AKAP19: variants seen among roughly 807,000 people sequenced by gnomAD.
The protein encoded by AKAP19 is small A-kinase anchoring protein.
At chr2:189,918,352 A>C in the AKAP19 span, among the ~76,000 whole-genome samples, 7 of 152,230 alleles carry the variant, frequency 4.6e-5, no homozygotes, top group African/African-American at 1.7e-4. Flanking sequence ...TGGGCCTCCT[A>C]GTACCACACT....
chr2:190,135,768 T>C, the AKAP19 span, among the ~76,000 whole-genome samples: 1 of 152,224 alleles, frequency 6.6e-6, no homozygotes, highest in Non-Finnish European at 1.5e-5. Flanking sequence ...TGTAGATTAG[T>C]GCTTGGCACA....
chr2:189,910,801 T>C, the AKAP19 span, among the ~76,000 whole-genome samples: 2 of 152,048 alleles, frequency 1.3e-5, no homozygotes, highest in Non-Finnish European at 2.9e-5. Context: ...ATATGTAAAC[T>C]TTTAAAAGGG....
At chr2:190,038,901 T>TTCTTCCTCTTCTTCTTCTTCTTC in the AKAP19 span, among the ~76,000 whole-genome samples, 1 of 46,002 alleles carries the variant, frequency 2.2e-5, no homozygotes, top group East Asian at 7.8e-4. Flanking sequence ...TCTTTCTTTC[T>TTCTTCCTCTTCTTCTTCTTCTTC]TTCTTCTTCT....
At chr2:190,195,235 T>A in the AKAP19 span, among the ~76,000 whole-genome samples, 10 of 152,220 alleles carry the variant, frequency 6.6e-5, no homozygotes, top group Non-Finnish European at 8.8e-5. Context: ...AAGAAGGACA[T>A]CTTGCTTGCT....
chr2:189,887,168 G>A, the AKAP19 span, among the ~76,000 whole-genome samples: 1 of 152,084 alleles, frequency 6.6e-6, no homozygotes, highest in Non-Finnish European at 1.5e-5. Flanking sequence ...AGGCCCCAGT[G>A]TGTGATGTTC....
chr2:190,047,617 C>G, the AKAP19 span, among the ~76,000 whole-genome samples: 1 of 152,174 alleles, frequency 6.6e-6, no homozygotes, highest in African/African-American at 2.4e-5. Flanking sequence ...CGCAGTAGTA[C>G]AAGTCTTGAA....
chr2:190,053,419 C>T, the AKAP19 span, among the ~76,000 whole-genome samples: 4 of 152,090 alleles, frequency 2.6e-5, no homozygotes, highest in African/African-American at 4.8e-5. Flanking sequence ...ATAAACCATG[C>T]GTGTTATCTA....
At chr2:189,918,850 A>G in the AKAP19 span, among the ~76,000 whole-genome samples, 1 of 152,354 alleles carries the variant, frequency 6.6e-6, no homozygotes, top group South Asian at 2.1e-4. Context: ...GGCACATAGT[A>G]TAGTGTGGAT....
At chr2:190,145,979 CT>C in the AKAP19 span, among the ~76,000 whole-genome samples, 133,978 of 145,946 alleles carry the variant, frequency 0.92, 62,151 homozygotes, top group East Asian at 1. Context: ...TTCCATTTTT[CT>C]TTTTTTTTTT....
chr2:189,893,419 A>C, the AKAP19 span, among the ~76,000 whole-genome samples: 1 of 152,202 alleles, frequency 6.6e-6, no homozygotes, highest in Non-Finnish European at 1.5e-5. Context: ...TCTGGGCCAG[A>C]GTGCACCATT....
the AKAP19 span, among the ~76,000 whole-genome samples, chr2:190,172,677 T>C: frequency 2.6e-5 from 4 of 152,238 alleles, no homozygotes; most frequent in African/African-American, 9.6e-5. Flanking sequence ...CAACACAGAA[T>C]AATAGAAGGA....
the AKAP19 span, chr2:190,056,950 C>A: frequency 3.2e-6 from 1 of 314,904 alleles, no homozygotes; most frequent in Non-Finnish European, 5.9e-6. Flanking sequence ...TTTAATTCAT[C>A]AGAACTCAAG....
chr2:190,047,335 C>T, the AKAP19 span, among the ~76,000 whole-genome samples: 2 of 152,182 alleles, frequency 1.3e-5, no homozygotes, highest in Non-Finnish European at 2.9e-5. Context: ...ATCCATCAAA[C>T]TTTTCTTCAT....
At chr2:190,060,308 T>G in the AKAP19 span, 1 of 1,613,108 alleles carries the variant, frequency 6.2e-7, no homozygotes, top group South Asian at 1.1e-5. Flanking sequence ...CAAACACTGT[T>G]GTAGGAGTCT....
At chr2:190,005,294 CTGCTGATTGGTCCATTTTACAGAG>C in the AKAP19 span, among the ~76,000 whole-genome samples, 25 of 152,330 alleles carry the variant, frequency 1.6e-4, no homozygotes, top group South Asian at 2.9e-3. Context: ...TGCCCACATC[CTGCTGATTGGTCCATTTTACAGAG>C]TGCTGATTGG....
At chr2:189,978,392 G>A in the AKAP19 span, among the ~76,000 whole-genome samples, 4 of 152,028 alleles carry the variant, frequency 2.6e-5, no homozygotes, top group Admixed American at 6.6e-5. Context: ...AGGCTGAGGC[G>A]GGCAGATCAC....
chr2:190,097,867 AAAAAAAAAAAAAAAG>A, the AKAP19 span, among the ~76,000 whole-genome samples: 1 of 150,430 alleles, frequency 6.6e-6, no homozygotes, highest in Non-Finnish European at 1.5e-5. Flanking sequence ...ACCAAAAAAA[AAAAAAAAAAAAAAAG>A]AAAAGAAAAG....
the AKAP19 span, among the ~76,000 whole-genome samples, chr2:189,952,596 A>C: frequency 6.6e-6 from 1 of 152,346 alleles, no homozygotes; most frequent in South Asian, 2.1e-4. Flanking sequence ...GGTAAAAGAA[A>C]GTTAACAATG....
At chr2:189,882,327 G>A in the AKAP19 span, among the ~76,000 whole-genome samples, 1 of 152,092 alleles carries the variant, frequency 6.6e-6, no homozygotes, top group African/African-American at 2.4e-5. Flanking sequence ...AGTTTATTTT[G>A]CCTAGGTTAA....
Sources: gnomAD v4.1 joint callset for allele counts (sites outside exome capture counted in the v4.1 genomes callset) on GRCh38, gnomAD v4.1.1 for gene constraint, MANE v1.5 for transcripts, NCBI Gene and HGNC (gene_info 2026-07-23, HGNC 2026-07-21) for gene names.